The following TANC2 variants were observed in gnomAD, a reference collection of about 807,000 sequenced individuals.
The protein encoded by TANC2 is protein TANC2.
In TANC2, 26 loss-of-function variants were observed where a neutral mutation model predicts 210.5. The observed-to-expected ratio is 0.12, with a 90% CI of 0.09 to 0.17. TANC2 has a LOEUF of 0.17. TANC2 is among the 10% of genes least tolerant of loss of function. The probability of loss-of-function intolerance (pLI) is 1.00; values close to 1 mark genes in which losing one functional copy is unlikely to be tolerated. For synonymous variants in TANC2, 931 were observed against 967.1 expected (o/e 0.96, Z 0.69); for missense variants, 2,129 against 2,608.9 (o/e 0.82, Z 4.01).
At chr17:62,980,859 G>A (rs1346989915) in intron 1 of TANC2, among the ~76,000 whole-genome samples, 1 of 151,788 alleles carries the variant, frequency 6.6e-6, no homozygotes, top group Non-Finnish European at 1.5e-5. Flanking sequence ...CTGTTACATC[G>A]TACCCTCATA....
intron 7 of TANC2, among the ~76,000 whole-genome samples, chr17:63,217,761 A>G (rs1297011280): frequency 6.6e-6 from 1 of 152,248 alleles, no homozygotes; most frequent in Non-Finnish European, 1.5e-5. Context: ...AGACAAAGAC[A>G]TGACATGAAC....
exon 10 of TANC2, chr17:63,314,499 A>G: frequency 6.2e-7 from 1 of 1,613,980 alleles, no homozygotes; most frequent in Non-Finnish European, 8.5e-7. Flanking sequence ...GTTTTCCACG[A>G]AATAGATGCT....
intron 4 of TANC2, among the ~76,000 whole-genome samples, chr17:63,138,105 G>T (rs566756846): frequency 1.3e-5 from 2 of 152,186 alleles, no homozygotes; most frequent in East Asian, 3.9e-4. Context: ...CAGACGTTTC[G>T]CAAAGTTCAG....
chr17:62,995,288 C>T (rs751846537), intron 1 of TANC2, among the ~76,000 whole-genome samples: 2 of 152,218 alleles, frequency 1.3e-5, no homozygotes, highest in Middle Eastern at 3.4e-3. Flanking sequence ...TTGGAGTGGA[C>T]GAACAAGGGA....
At chr17:63,370,414 G>A (rs967609307) in intron 14 of TANC2, among the ~76,000 whole-genome samples, 7 of 151,812 alleles carry the variant, frequency 4.6e-5, no homozygotes, top group Non-Finnish European at 5.9e-5. Context: ...TCCTGACCTC[G>A]TGATCCGCCC....
chr17:63,203,964 T>C (rs912685722), intron 7 of TANC2, among the ~76,000 whole-genome samples: 1 of 152,176 alleles, frequency 6.6e-6, no homozygotes, highest in African/African-American at 2.4e-5. Flanking sequence ...TAAATATTTT[T>C]CCCACATTTG....
chr17:63,319,252 T>G (rs1026741469), intron 11 of TANC2, among the ~76,000 whole-genome samples, 162 bp downstream of exon 11: 1 of 152,184 alleles, frequency 6.6e-6, no homozygotes, highest in Non-Finnish European at 1.5e-5. Context: ...AAAAATACTT[T>G]ATTGTGATGG....
chr17:63,072,994 C>T (rs2036452129), intron 2 of TANC2, among the ~76,000 whole-genome samples: 1 of 152,034 alleles, frequency 6.6e-6, no homozygotes, highest in African/African-American at 2.4e-5. Context: ...CAAGAATACT[C>T]TTTATTAAAC....
intron 2 of TANC2, among the ~76,000 whole-genome samples, chr17:63,061,817 T>C (rs2036008354): frequency 6.6e-6 from 1 of 152,150 alleles, no homozygotes; most frequent in African/African-American, 2.4e-5. Context: ...CTTCTCTTTA[T>C]TTGTTAAAAA....
In TANC2 at chr17:63,253,494, A is replaced by G. The variant is rs527423579; in HGVS notation, c.1034-14254A>G. Among the ~76,000 whole-genome samples, 21 of 152,304 alleles carry G rather than the reference A, an allele frequency of 1.4e-4. No individual in the cohort carries two copies. The South Asian group carries it at 4.3e-3, about 32-fold the overall frequency. On this transcript the variant is annotated intron_variant, in intron 8 of 27. Transcript: ENST00000689528. The stretch of plus-strand genomic sequence containing the variant: ...TTTGGGCTGCCTGCCCTTTTAGGGT[A>G]TTACCGAAGAAACCTTTGCCCAGAC...
At chr17:63,379,805 C>T (rs781722135) in exon 15 of TANC2, 1 of 1,610,804 alleles carries the variant, frequency 6.2e-7, no homozygotes, top group Admixed American at 1.7e-5. Context: ...GACATCACAT[C>T]CTCAAAGCAC....
chr17:63,293,910 G>T (rs994622711), intron 9 of TANC2, among the ~76,000 whole-genome samples: 1 of 151,620 alleles, frequency 6.6e-6, no homozygotes, highest in Non-Finnish European at 1.5e-5. Context: ...TGTAATTTTT[G>T]TAGAGATGAG....
At chr17:62,984,299 C>G (rs1428962906) in intron 1 of TANC2, among the ~76,000 whole-genome samples, 1 of 151,858 alleles carries the variant, frequency 6.6e-6, no homozygotes. Context: ...TTTGTATTTC[C>G]GTGGTATCCA....
chr17:63,103,724 A>T (rs958089765), intron 4 of TANC2, among the ~76,000 whole-genome samples: 1 of 152,192 alleles, frequency 6.6e-6, no homozygotes, highest in African/African-American at 2.4e-5. Context: ...ATTGCTTTTC[A>T]TGTTAGATAC....
chr17:63,392,198 T>C (rs759088568), intron 17 of TANC2, among the ~76,000 whole-genome samples: 3 of 152,204 alleles, frequency 2.0e-5, no homozygotes, highest in Non-Finnish European at 4.4e-5. Context: ...CTAGTTCTCC[T>C]ACCTACATTT....
At chr17:63,042,101 A>G (rs897416424) in intron 2 of TANC2, among the ~76,000 whole-genome samples, 1 of 152,196 alleles carries the variant, frequency 6.6e-6, no homozygotes, top group African/African-American at 2.4e-5. Context: ...TTATAGTACC[A>G]AATATTCAAC....
intron 17 of TANC2, among the ~76,000 whole-genome samples, chr17:63,393,859 C>T (rs964166073): frequency 4.0e-5 from 6 of 151,846 alleles, no homozygotes; most frequent in Non-Finnish European, 7.4e-5. Context: ...CAATCTCCGC[C>T]TCCCAGGTTC....
intron 3 of TANC2, among the ~76,000 whole-genome samples, chr17:63,084,169 A>G (rs1210570761): frequency 1.3e-5 from 2 of 152,192 alleles, no homozygotes; most frequent in Non-Finnish European, 2.9e-5. Flanking sequence ...TAATAGTTAT[A>G]GGCCTATTCA....
At chr17:63,063,241 A>G (rs1030579470) in intron 2 of TANC2, among the ~76,000 whole-genome samples, 7 of 152,186 alleles carry the variant, frequency 4.6e-5, no homozygotes, top group Admixed American at 3.9e-4. Flanking sequence ...CACTGTGCAC[A>G]TATTCAGCAA....
Sources: allele counts gnomAD v4.1 joint callset (sites outside exome capture counted in the v4.1 genomes callset), GRCh38; gene constraint gnomAD v4.1.1; transcripts MANE v1.5; gene names NCBI Gene and HGNC (gene_info 2026-07-23, HGNC 2026-07-21).